The following PLCH1 variants were observed in gnomAD, a reference collection of about 807,000 sequenced individuals.
PLCH1 encodes phospholipase C eta 1.
A neutral mutation model predicts 126.7 loss-of-function variants in PLCH1; 60 were observed. The ratio of observed to expected loss-of-function variants is 0.47; its 90% confidence interval spans 0.38 to 0.59. PLCH1 has a LOEUF of 0.59. PLCH1 is among the 20% of genes least tolerant of loss of function. The pLI is 0.00. For synonymous variants in PLCH1, 719 were observed against 734.9 expected, an observed-to-expected ratio of 0.98 and a Z score of 0.35; for missense variants, 1,723 against 2,040.0, an observed-to-expected ratio of 0.84 and a Z score of 2.99.
chr3:155,711,286 T>C (rs1747109941), intron 1 of PLCH1, among the ~76,000 whole-genome samples: 1 of 152,164 alleles, frequency 6.6e-6, no homozygotes, highest in African/African-American at 2.4e-5. Flanking sequence ...TTTGTAATCT[T>C]GTAAAATCAT....
Position 155,500,637 on chromosome 3 carries a change from G to A in PLCH1, c.1796+66C>T, listed in dbSNP as rs891117481. The A allele has an allele frequency of 2.6e-5, 25 of 945,488 alleles. No homozygotes were observed. The African/African-American group carries it at 3.0e-4, about 11-fold the overall frequency. The allele number at this position is 945,488 out of a possible 1,614,324, so 58.6% of individuals were successfully genotyped here. ...TTCTCTAGACATGTACAAGAAAAAT[G>A]ACTAAGCTGACAAGGATGGAGGGGC... On this transcript the variant is annotated intron_variant, in intron 14 of 22. Coordinates refer to ENST00000460012, the MANE Select transcript of PLCH1 (RefSeq NM_014996.4).
At chr3:155,710,825 A>T (rs1747066933) in intron 1 of PLCH1, among the ~76,000 whole-genome samples, 3 of 140,718 alleles carry the variant, frequency 2.1e-5, no homozygotes, top group Admixed American at 1.4e-4. Flanking sequence ...AGAGCAAAAA[A>T]CTCTGTCTCA....
chr3:155,630,257 T>C (rs892760562), intron 2 of PLCH1, among the ~76,000 whole-genome samples: 5 of 152,220 alleles, frequency 3.3e-5, no homozygotes, highest in African/African-American at 1.2e-4. Flanking sequence ...AGAGACTGAT[T>C]TGTGGTTATC....
intron 2 of PLCH1, among the ~76,000 whole-genome samples, chr3:155,615,921 A>T (rs1255633061): frequency 2.6e-5 from 4 of 152,312 alleles, no homozygotes; most frequent in East Asian, 1.9e-4. Context: ...TTAAAATTTT[A>T]AAAATTAGAC....
In PLCH1 at chr3:155,482,215, AGG is replaced by A. The variant is rs1714200280; in HGVS notation, c.3809_3810del (p.Thr1270MetfsTer6). 1.2e-5 allele frequency: 20 copies of A among 1,614,070 alleles called. No homozygotes were observed. The highest frequency in any genetic ancestry group is 4.0e-5 in the African/African-American group (3 of 74,924). On this transcript the variant is annotated frameshift_variant, in exon 23 of 23. Transcript: ENST00000460012. LOFTEE classifies it low-confidence loss of function (END_TRUNC). ...GGTTTGGTTTTAGAGATGGGAGTGC[AGG>A]TAGTTTCATAAACTGTGTTCGTTGC... ...KHATNTVYET[T>X]CTPISKTKPD... is the part of the protein sequence containing the mutation.
Position 155,617,287 on chromosome 3 carries a change from C to T in PLCH1, c.80-20909G>A, listed in dbSNP as rs57499693. Among the ~76,000 whole-genome samples the T allele has an allele frequency of 5.9e-3, 898 of 152,114 alleles. 10 individuals are homozygous for T. Among genetic ancestry groups the T allele is most frequent in the African/African-American group, 0.021 (868 of 41,504 alleles). On this transcript the variant is annotated intron_variant, in intron 2 of 22. Transcript: ENST00000460012. ...TCTGACAGGCACTCTTGAATGCAGG[C>T]CTCTGATAACTTTGGTGACTGGGCC...
chr3:155,514,505 AG>A, intron 12 of PLCH1, among the ~76,000 whole-genome samples: 1 of 152,316 alleles, frequency 6.6e-6, no homozygotes, highest in South Asian at 2.1e-4. Context: ...CTTTGTCCTG[AG>A]GGTCCAAGTG....
chr3:155,608,400 AG>A (rs1056946575), intron 2 of PLCH1, among the ~76,000 whole-genome samples: 4 of 152,164 alleles, frequency 2.6e-5, no homozygotes, highest in Non-Finnish European at 1.5e-5. Flanking sequence ...GAGGCCTGAA[AG>A]CTGTGCTTGC....
chr3:155,676,506 G>A lies in PLCH1; in HGVS notation c.79+27640C>T, dbSNP rs565529907. The A allele has an allele frequency of 1.5e-5, 7 of 478,074 alleles. No individual in the cohort carries two copies. In the South Asian group the frequency reaches 6.4e-4, roughly 44 times the overall value. 29.6% of individuals were successfully genotyped at this position (478,074 alleles called of 1,614,324 possible). A position where few individuals can be genotyped will look rare whatever the true frequency, so the allele number is the denominator to read the frequency against. ...GTCATTGAGAAACACTGATTACCGT[G>A]GGAGTGACGCAGACTGAATACAGAA... On this transcript the variant is annotated intron_variant, in intron 2 of 22. Coordinates refer to ENST00000460012, the MANE Select transcript of PLCH1 (RefSeq NM_014996.4).
chr3:155,696,692 C>T (rs556821856), intron 2 of PLCH1, among the ~76,000 whole-genome samples: 2 of 152,118 alleles, frequency 1.3e-5, no homozygotes, highest in South Asian at 2.1e-4. Context: ...GAAAAAATGA[C>T]GGTTTATTAT....
At chr3:155,521,158 TACACATGCATAAGTGTGC>T (rs1245868684) in intron 11 of PLCH1, among the ~76,000 whole-genome samples, 2 of 152,192 alleles carry the variant, frequency 1.3e-5, no homozygotes, top group South Asian at 2.1e-4. Flanking sequence ...CCCTTACATA[TACACATGCATAAGTGTGC>T]ACACATGCAC....
chr3:155,466,624 T>C (rs934289873), intron 21 of PLCH1, among the ~76,000 whole-genome samples: 4 of 152,162 alleles, frequency 2.6e-5, no homozygotes, highest in African/African-American at 7.2e-5. Context: ...AGGAAAACAT[T>C]ACCTCACCAG....
chr3:155,511,887 G>C (rs1313390871), intron 12 of PLCH1, among the ~76,000 whole-genome samples: 6 of 152,210 alleles, frequency 3.9e-5, no homozygotes, highest in South Asian at 4.1e-4. Context: ...CACCCAGTTC[G>C]AGCTTCCAGG....
chr3:155,735,620 C>A (rs1486641635), intron 1 of PLCH1, among the ~76,000 whole-genome samples: 1 of 135,998 alleles, frequency 7.4e-6, no homozygotes, highest in Admixed American at 7.9e-5. Flanking sequence ...GGTGACAGAG[C>A]GAGACTCCAT....
In PLCH1 at chr3:155,481,963, C is replaced by G. The variant is rs754961791; in HGVS notation, c.4063G>C (p.Asp1355His). 1.9e-6 allele frequency: 3 copies of G among 1,614,186 alleles called. No homozygotes were observed. The Admixed American group carries it at 5.0e-5, about 27-fold the overall frequency. The change falls in exon 23 of 23, where the codon GAT becomes CAT. Residue 1355 changes from aspartate (D) to histidine (H), a missense_variant. By Grantham distance (81) the Asp-to-His change is moderately conservative. Around this residue, in one of 2 missense-constraint regions of PLCH1, gnomAD observed 947 missense variants for 977.1 expected, o/e 0.97. Coordinates refer to ENST00000460012, the MANE Select transcript of PLCH1 (RefSeq NM_014996.4). The surrounding 1 kb of genome is among the most constrained non-coding windows in gnomAD (Gnocchi z 4.2). ...NSGESSLVEIDGESENLSLTT... is the reference protein window; with the variant it reads ...NSGESSLVEIHGESENLSLTT... ...AGAGAAAGATTTTCTGATTCTCCATCAATTTCCACAAGGCTGCTCTCCCCA... is the reference window on the plus strand; with the variant it reads ...AGAGAAAGATTTTCTGATTCTCCATGAATTTCCACAAGGCTGCTCTCCCCA...
chr3:155,543,710 C>T (rs564765863), intron 10 of PLCH1, among the ~76,000 whole-genome samples: 8 of 151,936 alleles, frequency 5.3e-5, no homozygotes, highest in African/African-American at 1.7e-4. Flanking sequence ...CTCTACAAGC[C>T]AGAAGAGAGT....
At chr3:155,599,980 T>C (rs765224422) in intron 2 of PLCH1, among the ~76,000 whole-genome samples, 4 of 152,204 alleles carry the variant, frequency 2.6e-5, no homozygotes, top group Non-Finnish European at 5.9e-5. Flanking sequence ...AGACCCTGAG[T>C]CTGAAACAAT....
At chr3:155,451,645 G>C (rs1175141767) in intron 21 of PLCH1, among the ~76,000 whole-genome samples, 2 of 152,284 alleles carry the variant, frequency 1.3e-5, no homozygotes, top group East Asian at 3.9e-4. Flanking sequence ...GGCCTGAATG[G>C]ACTAAAAGTA....
chr3:155,493,575 G>A (rs990578988), intron 17 of PLCH1, among the ~76,000 whole-genome samples: 5 of 152,034 alleles, frequency 3.3e-5, no homozygotes, highest in Admixed American at 6.6e-5. Context: ...CAGTAGAGAC[G>A]GCGTTTTACC....
Sources: allele counts gnomAD v4.1 joint callset (sites outside exome capture counted in the v4.1 genomes callset), GRCh38; gene constraint gnomAD v4.1.1; regional missense constraint gnomAD v4.1.1; non-coding constraint Gnocchi (gnomAD v3.1); transcripts MANE v1.5; gene names NCBI Gene and HGNC (gene_info 2026-07-23, HGNC 2026-07-21).